Variants in MEIS1 observed in about 807,000 individuals in gnomAD.
The protein encoded by MEIS1 is homeobox protein Meis1.
MEIS1 carries 5 observed loss-of-function variants against 50.8 expected under a neutral mutation model. That is an observed-to-expected ratio of 0.10 (90% CI 0.05 to 0.21). The LOEUF (loss-of-function observed/expected upper bound fraction) is 0.21, where lower values mean the gene tolerates loss of function less well. Among genes scored for constraint, MEIS1 ranks in the 10% least tolerant of loss-of-function variants. The pLI is 1.00. For synonymous variants in MEIS1, 176 were observed against 179.3 expected (o/e 0.98, Z 0.15); for missense variants, 318 against 517.3 (o/e 0.61, Z 3.74).
intron 11 of MEIS1, 81 bp downstream of exon 11, chr2:66,568,837 C>T: frequency 7.6e-7 from 1 of 1,320,820 alleles, no homozygotes; most frequent in African/African-American, 1.4e-5. Context: ...AAATCCGCCT[C>T]ATCCTTTTCT....
At chr2:66,540,189 G>A (rs918680077) in intron 8 of MEIS1, among the ~76,000 whole-genome samples, 4 of 152,118 alleles carry the variant, frequency 2.6e-5, no homozygotes, top group African/African-American at 9.7e-5. Flanking sequence ...TGCCTGTAAT[G>A]CATTTGTTGT....
chr2:66,558,413 CAA>C (rs1675129691), intron 9 of MEIS1, among the ~76,000 whole-genome samples: 1 of 151,516 alleles, frequency 6.6e-6, no homozygotes, highest in Admixed American at 6.6e-5. Flanking sequence ...TAAGCATTTT[CAA>C]AGATTTGACA....
intron 8 of MEIS1, among the ~76,000 whole-genome samples, chr2:66,520,316 T>A (rs1372348792): frequency 5.4e-5 from 8 of 147,672 alleles, no homozygotes; most frequent in African/African-American, 7.6e-5. Flanking sequence ...CTACTAAAAA[T>A]AAAAAAAAAA....
At position 66,572,703 on chromosome 2, in the gene MEIS1, C is replaced by T. The variant is rs971773515; in HGVS notation, c.*1495C>T. The stretch of plus-strand genomic sequence containing the variant: ...TAATAACGCCAAGCCCAGTTGTAGT[C>T]GTTTGAGTGCAGTAATGAAATCTGA... On this transcript the variant is annotated 3_prime_UTR_variant, in exon 13 of 13. Transcript: ENST00000272369. 2.6e-5 allele frequency: 4 copies of T among 152,036 alleles called. No homozygotes were observed. The highest frequency in any genetic ancestry group is 1.9e-4 in the East Asian group (1 of 5,184). 9.4% of individuals were successfully genotyped at this position (152,036 alleles called of 1,614,324 possible).
intron 8 of MEIS1, among the ~76,000 whole-genome samples, chr2:66,539,168 T>G (rs2103911714): frequency 6.6e-6 from 1 of 152,276 alleles, no homozygotes; most frequent in African/African-American, 2.4e-5. Context: ...ATTACAGGTG[T>G]GGGCCACCGT....
chr2:66,478,725 C>T (rs1215053919), intron 7 of MEIS1, among the ~76,000 whole-genome samples: 3 of 152,154 alleles, frequency 2.0e-5, no homozygotes, highest in South Asian at 2.1e-4. Flanking sequence ...AATAGACACA[C>T]GCACACATAA....
chr2:66,509,438 G>A (rs888594625), intron 7 of MEIS1, among the ~76,000 whole-genome samples: 1 of 152,198 alleles, frequency 6.6e-6, no homozygotes, highest in African/African-American at 2.4e-5. Context: ...TCCCAGATGG[G>A]AGTAAAGTAG....
chr2:66,435,863 C>T lies in MEIS1; in HGVS notation c.7C>T (p.Gln3Ter). The part of the protein sequence containing the change: MA[Q>*]RYDDLPHYGG... The stretch of plus-strand genomic sequence containing the variant: ...AAGGGAGCCAGAGAGGCCGATGGCG[C>T]AAAGGGTACGTATTAAAAAACAATT... Residue 3 changes from glutamine to a stop codon, truncating the protein, a stop_gained, in exon 1 of 13, where the codon CAA becomes TAA. Coordinates refer to ENST00000272369, the MANE Select transcript of MEIS1 (RefSeq NM_002398.3). LOFTEE classifies it high-confidence loss of function. The T allele has an allele frequency of 6.4e-7, 1 of 1,568,896 alleles. No homozygotes were observed. Among genetic ancestry groups the T allele is most frequent in the Non-Finnish European group, 8.6e-7 (1 of 1,162,480 alleles).
At chr2:66,569,734 A>C (rs778144279) in intron 12 of MEIS1, 1 of 152,812 alleles carries the variant, frequency 6.5e-6, no homozygotes, top group Non-Finnish European at 1.5e-5. Flanking sequence ...GGAGAATACA[A>C]AATAGAGGTG....
intron 9 of MEIS1, among the ~76,000 whole-genome samples, chr2:66,549,379 CTACGAGTTGTG>C (rs1277702947): frequency 6.6e-6 from 1 of 152,008 alleles, no homozygotes; most frequent in Non-Finnish European, 1.5e-5. Flanking sequence ...AAATGTGTTA[CTACGAGTTGTG>C]TGGCTGCTGA....
chr2:66,448,490 C>T (rs922359070), intron 6 of MEIS1, among the ~76,000 whole-genome samples: 6 of 152,156 alleles, frequency 3.9e-5, no homozygotes, highest in African/African-American at 1.4e-4. Context: ...TAGCGTACCT[C>T]ACAGGTGGAG....
At chr2:66,494,637 T>C (rs1360186065) in intron 7 of MEIS1, among the ~76,000 whole-genome samples, 2 of 152,238 alleles carry the variant, frequency 1.3e-5, no homozygotes, top group African/African-American at 4.8e-5. Context: ...CCTACCTCTG[T>C]ATTGGAGGAT....
chr2:66,492,297 G>A (rs575608935), intron 7 of MEIS1, among the ~76,000 whole-genome samples: 15 of 152,090 alleles, frequency 9.9e-5, no homozygotes, highest in African/African-American at 2.2e-4. Flanking sequence ...CACATGTTCC[G>A]TAGAAGTTGG....
At chr2:66,563,443 C>T (rs1046228417) in intron 9 of MEIS1, among the ~76,000 whole-genome samples, 1 of 152,110 alleles carries the variant, frequency 6.6e-6, no homozygotes, top group Non-Finnish European at 1.5e-5. Context: ...CACACACATA[C>T]ATATAGGATT....
chr2:66,442,932 C>T lies in MEIS1; in HGVS notation c.514C>T (p.Arg172Trp). ...CGAATTATGTGACAATTTCTGCCAC[C>T]GGTATATTAGCTGTTTGAAAGGGAA... ...VHELCDNFCH[R>W]YISCLKGKMP... Residue 172 changes from arginine to tryptophan, a missense_variant, in exon 6 of 13, where the codon CGG (arginine) becomes TGG (tryptophan). Physicochemically the swap from Arg to Trp is moderately radical, Grantham distance 101. Transcript: ENST00000272369. 6.3e-7 allele frequency: 1 copy of T among 1,587,772 alleles called. No homozygotes were observed. Among genetic ancestry groups the T allele is most frequent in the Non-Finnish European group, 8.5e-7 (1 of 1,171,956 alleles).
chr2:66,565,024 T>C (rs1675312405), intron 9 of MEIS1, among the ~76,000 whole-genome samples: 1 of 152,152 alleles, frequency 6.6e-6, no homozygotes, highest in Admixed American at 6.6e-5. Flanking sequence ...TGGTGAGTGC[T>C]GTATTAGTTC....
At chr2:66,506,456 C>T (rs961220797) in intron 7 of MEIS1, among the ~76,000 whole-genome samples, 3 of 152,004 alleles carry the variant, frequency 2.0e-5, no homozygotes, top group African/African-American at 7.3e-5. Context: ...TGCTCAGGAC[C>T]GGAGGTGGAG....
rs535835495 is a variant in MEIS1 at position 66,571,589 on chromosome 2, A to G, written c.*381A>G. ...GATTTCAAATCATGTTTTTTCTGCA[A>G]TGACTGTGGAGTTCCATTCTTGGCA... On this transcript the variant is annotated 3_prime_UTR_variant, in exon 13 of 13. Transcript: ENST00000272369. 5.2e-6 allele frequency: 8 copies of G among 1,537,772 alleles called. No individual in the cohort carries two copies. The highest frequency in any genetic ancestry group is 1.2e-5 in the South Asian group (1 of 83,334).
intron 9 of MEIS1, among the ~76,000 whole-genome samples, chr2:66,555,280 C>CTCTCTCTCTCTCTCTCTCTCTCCCTCT (rs10695722): frequency 4.5e-5 from 6 of 133,920 alleles, no homozygotes; most frequent in African/African-American, 1.7e-4. Context: ...CTCTCTCTCT[C>CTCTCTCTCTCTCTCTCTCTCTCCCTCT]GTCTCTCTCC....
Sources: allele counts gnomAD v4.1 joint callset (sites outside exome capture counted in the v4.1 genomes callset), GRCh38; gene constraint gnomAD v4.1.1; transcripts MANE v1.5; gene names NCBI Gene and HGNC (gene_info 2026-07-23, HGNC 2026-07-21).